POLN: variants seen among roughly 807,000 people sequenced by gnomAD.
The protein encoded by POLN is DNA polymerase nu, also known as DNA polymerase N.
A neutral mutation model predicts 113.5 loss-of-function variants in POLN; 108 were observed. That is an observed-to-expected ratio of 0.95 (90% CI 0.81 to 1.12). The LOEUF (loss-of-function observed/expected upper bound fraction) is 1.12. POLN is among the 50% of genes most tolerant of loss of function. The probability of loss-of-function intolerance (pLI) is 0.00; values close to 1 mark genes in which losing one functional copy is unlikely to be tolerated. For synonymous variants in POLN, 386 were observed against 391.5 expected (o/e 0.99, Z 0.17); for missense variants, 1,097 against 1,077.1 (o/e 1.02, Z -0.26).
chr4:2,097,355 A>AC (rs940282863), intron 19 of POLN, among the ~76,000 whole-genome samples: 1 of 144,674 alleles, frequency 6.9e-6, no homozygotes, highest in African/African-American at 2.5e-5. Context: ...CTCTCCTACC[A>AC]TTTTTTTTTT....
intron 16 of POLN, among the ~76,000 whole-genome samples, chr4:2,144,794 G>A (rs1360401217): frequency 6.6e-6 from 1 of 152,112 alleles, no homozygotes; most frequent in Non-Finnish European, 1.5e-5. Context: ...CACTGTGCTT[G>A]TTTCTTGGAA....
intron 4 of POLN, 113 bp from the exon 5 acceptor site, chr4:2,208,600 A>T: frequency 1.2e-6 from 1 of 834,092 alleles, no homozygotes; most frequent in African/African-American, 1.7e-5. Flanking sequence ...CACAATCTTC[A>T]TATTACCTAT....
chr4:2,114,425 C>G lies in POLN; in HGVS notation c.1982+13688G>C, dbSNP rs554741975. On this transcript the variant is annotated intron_variant, in intron 19 of 25. Transcript: ENST00000511885. ...TACCATTTCTAGTAGTGCAGGTCTACTAAGACACATTCCTTTGGATTTTAT... is the reference window on the plus strand; with the variant it reads ...TACCATTTCTAGTAGTGCAGGTCTAGTAAGACACATTCCTTTGGATTTTAT... Among the ~76,000 whole-genome samples, 510 of 152,258 alleles carry G rather than the reference C, an allele frequency of 3.3e-3. 2 individuals carry two copies. The highest frequency in any genetic ancestry group is 6.0e-3 in the Non-Finnish European group (408 of 68,012).
intron 2 of POLN, among the ~76,000 whole-genome samples, chr4:2,236,762 C>A (rs931629847): frequency 1.2e-4 from 18 of 151,850 alleles, no homozygotes; most frequent in African/African-American, 4.4e-4. Flanking sequence ...ACTCCGGAGG[C>A]TGAGGCAGGA....
intron 17 of POLN, among the ~76,000 whole-genome samples, chr4:2,130,582 TGTTA>T (rs1396390850): frequency 6.6e-6 from 1 of 152,052 alleles, no homozygotes; most frequent in Non-Finnish European, 1.5e-5. Context: ...TTTTTAAGAG[TGTTA>T]GTGTGCTTTT....
chr4:2,180,084 G>A (rs201567361), intron 7 of POLN, among the ~76,000 whole-genome samples: 2 of 152,212 alleles, frequency 1.3e-5, no homozygotes, highest in East Asian at 3.8e-4. Flanking sequence ...TACTGTGGAA[G>A]GAACACCAGG....
At chr4:2,165,390 T>TA (rs1577734913) in intron 13 of POLN, among the ~76,000 whole-genome samples, 1 of 152,170 alleles carries the variant, frequency 6.6e-6, no homozygotes, top group East Asian at 1.9e-4. Context: ...GTGGAAACAG[T>TA]AAAAAGCACA....
intron 24 of POLN, among the ~76,000 whole-genome samples, chr4:2,074,349 C>T (rs1730226446): frequency 1.3e-5 from 2 of 152,184 alleles, no homozygotes; most frequent in South Asian, 4.1e-4. Context: ...GCCCTGCAGT[C>T]CCTGGCCCCG....
rs144829750 is a variant in POLN, at chr4:2,198,659, C to A, written c.773G>T (p.Gly258Val). ...VVLVKRQAEG[G>V]HGCPDAPACG... ...GGCCGGGGCATCTGGACAGCCATGG[C>A]CACCCTCTGCTTGGCGTTTTACTAA... Residue 258 changes from glycine (G) to valine (V), a missense_variant, in exon 6 of 26, where the codon GGC (glycine) becomes GTC (valine). Coordinates refer to ENST00000511885, the MANE Select transcript of POLN (RefSeq NM_181808.4). The A allele has an allele frequency of 2.6e-4, 426 of 1,613,430 alleles. 1 individual carries two copies. The African/African-American group carries it at 5.1e-3, about 19-fold the overall frequency.
At chr4:2,178,569 AG>A (rs1260087639) in intron 8 of POLN, among the ~76,000 whole-genome samples, 2 of 151,270 alleles carry the variant, frequency 1.3e-5, no homozygotes, top group African/African-American at 4.9e-5. Context: ...CCTGATAACT[AG>A]GGGTATCTCT....
intron 24 of POLN, among the ~76,000 whole-genome samples, chr4:2,073,604 C>A (rs1011596784): frequency 2.0e-5 from 3 of 152,228 alleles, no homozygotes; most frequent in African/African-American, 7.2e-5. Context: ...CAGAGCCCTA[C>A]GAAAGGGAAG....
chr4:2,135,812 C>T (rs772647836), intron 16 of POLN, among the ~76,000 whole-genome samples: 1 of 152,192 alleles, frequency 6.6e-6, no homozygotes. Context: ...CTCTAGCAAG[C>T]GGCTGCCGTC....
chr4:2,081,496 A>C, intron 22 of POLN, 137 bp downstream of exon 22: 1 of 769,252 alleles, frequency 1.3e-6, no homozygotes, highest in Non-Finnish European at 2.2e-6. Context: ...GGACATGGGT[A>C]GTGTAAGCTC....
chr4:2,236,883 T>A (rs966456018), intron 2 of POLN, among the ~76,000 whole-genome samples: 9 of 148,676 alleles, frequency 6.1e-5, no homozygotes, highest in South Asian at 2.1e-4. Flanking sequence ...TAATAATAAT[T>A]ATAATTATAA....
chr4:2,206,363 A>C (rs910042468), intron 5 of POLN, among the ~76,000 whole-genome samples: 1 of 152,236 alleles, frequency 6.6e-6, no homozygotes. Flanking sequence ...CCAAGAACCC[A>C]AAAGCAAATG....
chr4:2,075,331 TGG>T, intron 24 of POLN, 119 bp downstream of exon 24: 1 of 1,059,598 alleles, frequency 9.4e-7, no homozygotes, highest in Non-Finnish European at 1.4e-6. Context: ...AGCAATGAGG[TGG>T]GGCAGGGGCC....
intron 19 of POLN, among the ~76,000 whole-genome samples, chr4:2,096,730 G>GAGAGAGAGAC (rs1361778474): frequency 1.3e-4 from 19 of 145,548 alleles, no homozygotes; most frequent in African/African-American, 4.4e-4. Flanking sequence ...GAGAGAGAGA[G>GAGAGAGAGAC]ACACACAGAG....
intron 5 of POLN, among the ~76,000 whole-genome samples, chr4:2,206,633 G>T (rs1198021483): frequency 6.6e-6 from 1 of 152,092 alleles, no homozygotes; most frequent in Admixed American, 6.6e-5. Context: ...ACTGGCCAAC[G>T]AATATATGAA....
At chr4:2,089,938 G>T in intron 20 of POLN, 2 of 982,490 alleles carry the variant, frequency 2.0e-6, no homozygotes, top group Non-Finnish European at 3.2e-6. Context: ...AATTAAGTTA[G>T]CTAGTGAAAG....
Sources: gnomAD v4.1 joint callset for allele counts (sites outside exome capture counted in the v4.1 genomes callset) on GRCh38, gnomAD v4.1.1 for gene constraint, MANE v1.5 for transcripts, NCBI Gene and HGNC (gene_info 2026-07-23, HGNC 2026-07-21) for gene names.